Variants in SLC6A15 observed in about 807,000 individuals in gnomAD.
SLC6A15 encodes the protein sodium-dependent neutral amino acid transporter B(0)AT2.
A neutral mutation model predicts 68.5 loss-of-function variants in SLC6A15; 33 were observed. The observed-to-expected ratio is 0.48, with a 90% CI of 0.37 to 0.64. The LOEUF (loss-of-function observed/expected upper bound fraction) is 0.64, where lower values mean the gene tolerates loss of function less well. Among genes scored for constraint, SLC6A15 ranks in the 30% least tolerant of loss-of-function variants. SLC6A15 has a pLI of 0.00. For missense variants in SLC6A15, 747 were observed against 874.3 expected (o/e 0.85, Z 1.84); for synonymous variants, 347 against 301.0 (o/e 1.15, Z -1.58).
intron 1 of SLC6A15, among the ~76,000 whole-genome samples, chr12:84,911,176 T>C (rs576586861): frequency 6.6e-6 from 1 of 152,162 alleles, no homozygotes; most frequent in Admixed American, 6.5e-5. Flanking sequence ...AAACACTTTG[T>C]TGCTGGCACA....
chr12:84,886,333 A>G (rs1391479502), intron 2 of SLC6A15, among the ~76,000 whole-genome samples: 1 of 152,146 alleles, frequency 6.6e-6, no homozygotes, highest in Non-Finnish European at 1.5e-5. Context: ...TTTAAAGAGT[A>G]AAACAGTTTC....
intron 5 of SLC6A15, chr12:84,881,606 T>G (rs569533112): frequency 6.7e-5 from 66 of 985,268 alleles, no homozygotes; most frequent in Non-Finnish European, 7.8e-5. Flanking sequence ...TTGGGGTATA[T>G]GTATATGCAT....
chr12:84,910,938 T>TGTGTGTGTGTGTGTGTGTGTGTGC (rs1420400190), intron 1 of SLC6A15, among the ~76,000 whole-genome samples: 13 of 150,638 alleles, frequency 8.6e-5, no homozygotes, highest in African/African-American at 3.2e-4. Flanking sequence ...CGTGTGTGTG[T>TGTGTGTGTGTGTGTGTGTGTGTGC]GTGTGTGTGT....
rs1047651950 is a variant in SLC6A15, at chr12:84,876,726, C to T, written c.757-119G>A. The T allele has an allele frequency of 5.9e-6, 3 of 512,740 alleles. No homozygotes were observed. The African/African-American group carries it at 6.0e-5, about 10-fold the overall frequency. The allele number at this position is 512,740 out of a possible 1,614,324, so 31.8% of individuals were successfully genotyped here. A position where few individuals can be genotyped will look rare whatever the true frequency, so the allele number is the denominator to read the frequency against. ...CTGTTTCATGACAGGATTAATAAAA[C>T]TATTAATAACTTCTAAAGCCATTTT... On this transcript the variant is annotated intron_variant, in intron 5 of 11. Transcript: ENST00000266682.
rs150080808 is a variant in SLC6A15 at position 84,861,815 on chromosome 12, C to G, written c.2010G>C (p.Glu670Asp). 12 of 1,613,836 alleles carry G rather than the reference C, an allele frequency of 7.4e-6. No homozygotes were observed. The highest frequency in any genetic ancestry group is 8.5e-7 in the Non-Finnish European group (1 of 1,179,956). The change falls in exon 12 of 12, where the codon GAG becomes GAC. Residue 670 changes from glutamate (E) to aspartate (D), a missense_variant. By Grantham distance (45) the Glu-to-Asp change is conservative. Coordinates refer to ENST00000266682, the MANE Select transcript of SLC6A15 (RefSeq NM_182767.6). ...CGTGAATGAGGCTTGTATCATCGCC[C>G]TCTAAGTTCACAGGCTCTTTCAGGA... ...GRVLKEPVNL[E>D]GDDTSLIHGK...
At chr12:84,880,678 G>A (rs1261453946) in intron 5 of SLC6A15, among the ~76,000 whole-genome samples, 1 of 152,112 alleles carries the variant, frequency 6.6e-6, no homozygotes, top group Non-Finnish European at 1.5e-5. Flanking sequence ...ATGATACAAA[G>A]AAACATGCTC....
Position 84,870,562 on chromosome 12 carries a change from C to A in SLC6A15, c.1411G>T (p.Gly471Cys). 1 of 1,612,488 alleles carries A rather than the reference C, an allele frequency of 6.2e-7. No individual in the cohort carries two copies. The highest frequency in any genetic ancestry group is 8.5e-7 in the Non-Finnish European group (1 of 1,179,242). ...VMFFLMLVNL[G>C]LGSMFGTIEG... ...ATGGTTCCAAACATACTGCCAAGGC[C>A]TAGATTGACCAGCATGAGGAAAAAC... The change falls in exon 9 of 12, where the codon GGC (glycine) becomes TGC (cysteine). Residue 471 changes from glycine to cysteine, a missense_variant. Transcript: ENST00000266682.
chr12:84,881,882 C>G, intron 5 of SLC6A15: 1 of 985,352 alleles, frequency 1.0e-6, no homozygotes, highest in Non-Finnish European at 1.2e-6. Context: ...CACATCTTTG[C>G]TCACATTACC....
chr12:84,885,036 G>A (rs1037126976), intron 4 of SLC6A15, among the ~76,000 whole-genome samples: 2 of 151,690 alleles, frequency 1.3e-5, no homozygotes, highest in African/African-American at 4.8e-5. Context: ...AAAAAATGAT[G>A]GGAAAAGTAT....
intron 1 of SLC6A15, among the ~76,000 whole-genome samples, chr12:84,893,332 A>G (rs1186135176): frequency 6.6e-6 from 1 of 152,198 alleles, no homozygotes; most frequent in East Asian, 1.9e-4. Flanking sequence ...AGTATAAATG[A>G]GACAAGAAAT....
At chr12:84,890,138 G>A (rs757068497) in intron 2 of SLC6A15, among the ~76,000 whole-genome samples, 3 of 151,976 alleles carry the variant, frequency 2.0e-5, no homozygotes, top group Non-Finnish European at 4.4e-5. Flanking sequence ...GTGAAAAATC[G>A]GTTGGTATTT....
chr12:84,874,945 T>C (rs1053678284), intron 6 of SLC6A15, among the ~76,000 whole-genome samples: 2 of 152,166 alleles, frequency 1.3e-5, no homozygotes, highest in Non-Finnish European at 2.9e-5. Context: ...TTATCAACAC[T>C]CAATGAAAAG....
intron 9 of SLC6A15, among the ~76,000 whole-genome samples, chr12:84,868,882 A>G (rs1450588666): frequency 1.3e-5 from 2 of 152,296 alleles, no homozygotes; most frequent in East Asian, 3.9e-4. Context: ...GCGAGCAAGG[A>G]TAAGAATACA....
intron 11 of SLC6A15, among the ~76,000 whole-genome samples, chr12:84,862,668 G>A (rs1413858065): frequency 6.6e-6 from 1 of 152,010 alleles, no homozygotes; most frequent in African/African-American, 2.4e-5. Context: ...AATAGTTATT[G>A]CTAATATAAA....
intron 6 of SLC6A15, 126 bp from the exon 7 acceptor site, chr12:84,873,454 G>T: frequency 9.2e-7 from 1 of 1,082,420 alleles, no homozygotes; most frequent in Non-Finnish European, 1.3e-6. Flanking sequence ...TTTAAATCGG[G>T]AAATAATATG....
At chr12:84,907,003 A>T (rs1873191274) in intron 1 of SLC6A15, among the ~76,000 whole-genome samples, 1 of 152,126 alleles carries the variant, frequency 6.6e-6, no homozygotes, top group Non-Finnish European at 1.5e-5. Context: ...AAATGGGAGA[A>T]TATATTTGAA....
rs1340698080 is a variant in SLC6A15 at position 84,876,578 on chromosome 12, A to G, written c.786T>C (p.Tyr262=). 6 of 1,586,702 alleles carry G rather than the reference A, an allele frequency of 3.8e-6. No homozygotes were observed. The highest frequency in any genetic ancestry group is 5.1e-6 in the Non-Finnish European group (6 of 1,165,734). Residue 262 remains tyrosine, a synonymous_variant, in exon 6 of 12, where the codon TAT becomes TAC. Coordinates refer to ENST00000266682, the MANE Select transcript of SLC6A15 (RefSeq NM_182767.6). The stretch of plus-strand genomic sequence containing the variant: ...TGATGAGGAAGCAAATAAGTACCAC[A>G]TATGGAAACAGAGAACTAAAATATA... ...KIIYFSSLFP[Y]VVLICFLIRA...
rs775434803 is a variant in SLC6A15 at position 84,863,504 on chromosome 12, G to A, written c.1753C>T (p.Leu585=). 1.9e-6 allele frequency: 3 copies of A among 1,588,144 alleles called. No individual in the cohort carries two copies. The highest frequency in any genetic ancestry group is 3.6e-5 in the Admixed American group (2 of 56,204). Residue 585 remains leucine (L), a synonymous_variant, in exon 11 of 12, where the codon CTA becomes TTA. Coordinates refer to ENST00000266682, the MANE Select transcript of SLC6A15 (RefSeq NM_182767.6). The stretch of plus-strand genomic sequence containing the variant: ...CCCATATTCACAACACTAGCTATTA[G>A]CAATGATAATAGCATTAGAGGAGAA... ...YISPLMLLSL[L]IASVVNMGLS...
Position 84,860,780 on chromosome 12 carries a change from C to T in SLC6A15, c.*852G>A, listed in dbSNP as rs1317956211. The T allele has an allele frequency of 6.6e-6, 1 of 152,112 alleles. No homozygotes were observed. Among genetic ancestry groups the T allele is most frequent in the Admixed American group, 6.6e-5 (1 of 15,266 alleles). The allele number at this position is 152,112 out of a possible 1,614,324, so 9.4% of individuals were successfully genotyped here. ...ATATATTAATTAAAATGCCATCTTG[C>T]TTCAAGTTTTCAAATTAGTACTTTA... On this transcript the variant is annotated 3_prime_UTR_variant, in exon 12 of 12. Transcript: ENST00000266682.
Sources: allele counts gnomAD v4.1 joint callset (sites outside exome capture counted in the v4.1 genomes callset), GRCh38; gene constraint gnomAD v4.1.1; transcripts MANE v1.5; gene names NCBI Gene and HGNC (gene_info 2026-07-23, HGNC 2026-07-21).